KHDRBS2: variants seen among roughly 807,000 people sequenced by gnomAD.
KHDRBS2 encodes KH domain-containing, RNA-binding, signal transduction-associated protein 2.
KHDRBS2 carries 26 observed loss-of-function variants against 44.3 expected under a neutral mutation model. That is an observed-to-expected ratio of 0.59 (90% CI 0.43 to 0.81). The LOEUF is 0.81. Among genes scored for constraint, KHDRBS2 ranks in the 40% least tolerant of loss-of-function variants. The probability of loss-of-function intolerance (pLI) is 0.00; values close to 1 mark genes in which losing one functional copy is unlikely to be tolerated. For synonymous variants in KHDRBS2, 194 were observed against 151.1 expected (o/e 1.28, Z -2.08); for missense variants, 476 against 433.1 (o/e 1.10, Z -0.88).
chr6:61,732,567 T>A, intron 7 of KHDRBS2, 115 bp downstream of exon 7: 1 of 690,184 alleles, frequency 1.4e-6, no homozygotes, highest in East Asian at 2.5e-5. Context: ...AGAAAGATAA[T>A]GGAGAAAAAA....
intron 6 of KHDRBS2, among the ~76,000 whole-genome samples, chr6:61,859,815 C>T (rs972166192): frequency 3.3e-5 from 5 of 151,742 alleles, no homozygotes; most frequent in African/African-American, 9.7e-5. Flanking sequence ...AAACATGAGG[C>T]AATAAAATTT....
chr6:61,994,597 A>C (rs942050753), intron 3 of KHDRBS2, among the ~76,000 whole-genome samples: 2 of 152,164 alleles, frequency 1.3e-5, no homozygotes, highest in African/African-American at 4.8e-5. Flanking sequence ...CTGACCTGAG[A>C]GAGCTCATTG....
chr6:61,869,897 A>G (rs1464867896), intron 6 of KHDRBS2, among the ~76,000 whole-genome samples: 1 of 151,376 alleles, frequency 6.6e-6, no homozygotes. Flanking sequence ...CTATGCCACC[A>G]GGGCCTTGGG....
At chr6:62,148,660 T>C (rs951372728) in intron 2 of KHDRBS2, among the ~76,000 whole-genome samples, 1 of 151,932 alleles carries the variant, frequency 6.6e-6, no homozygotes, top group African/African-American at 2.4e-5. Flanking sequence ...TCTCTCACCA[T>C]TTGCTCACGA....
intron 4 of KHDRBS2, among the ~76,000 whole-genome samples, chr6:61,901,681 T>C (rs571869435): frequency 1.3e-5 from 2 of 152,266 alleles, no homozygotes; most frequent in South Asian, 4.1e-4. Flanking sequence ...AAATGAGAAC[T>C]TGGAATGTGC....
At chr6:62,016,152 G>A (rs1172845871) in intron 3 of KHDRBS2, among the ~76,000 whole-genome samples, 3 of 151,978 alleles carry the variant, frequency 2.0e-5, no homozygotes, top group African/African-American at 7.2e-5. Context: ...TTAGTTTCTA[G>A]TGGTTCTATA....
At chr6:61,647,663 G>A in the KHDRBS2 span, among the ~76,000 whole-genome samples, 1 of 152,096 alleles carries the variant, frequency 6.6e-6, no homozygotes, top group South Asian at 2.1e-4. Context: ...TTTAATGTAT[G>A]ACATGTATTG....
chr6:61,836,678 T>G (rs990493255), intron 6 of KHDRBS2, among the ~76,000 whole-genome samples: 6 of 151,986 alleles, frequency 3.9e-5, no homozygotes, highest in African/African-American at 1.2e-4. Context: ...CTTCAATTAT[T>G]TAGTAAGGAT....
At chr6:61,806,520 G>C (rs970075282) in intron 6 of KHDRBS2, among the ~76,000 whole-genome samples, 46 of 152,066 alleles carry the variant, frequency 3.0e-4, no homozygotes, top group Non-Finnish European at 5.9e-5. Context: ...AAATGCAAAT[G>C]GATGATTTGA....
chr6:61,766,201 C>T (rs1779987877), intron 6 of KHDRBS2, among the ~76,000 whole-genome samples: 1 of 151,704 alleles, frequency 6.6e-6, no homozygotes, highest in Non-Finnish European at 1.5e-5. Context: ...ATGATTCAAT[C>T]TCGGTAGGTT....
intron 3 of KHDRBS2, among the ~76,000 whole-genome samples, chr6:62,037,576 A>G (rs991687118): frequency 5.3e-5 from 8 of 152,032 alleles, no homozygotes; most frequent in African/African-American, 1.9e-4. Flanking sequence ...TAAGCCCACT[A>G]TTGAGGAACA....
chr6:62,198,422 G>A (rs1585163359), intron 1 of KHDRBS2, among the ~76,000 whole-genome samples: 2 of 152,250 alleles, frequency 1.3e-5, no homozygotes, highest in Admixed American at 6.5e-5. Flanking sequence ...CGATGCCACA[G>A]AAATGCAAAC....
At chr6:61,835,708 T>TGG (rs1357074355) in intron 6 of KHDRBS2, among the ~76,000 whole-genome samples, 1 of 111,526 alleles carries the variant, frequency 9.0e-6, no homozygotes, top group South Asian at 3.4e-4. Flanking sequence ...TGTTGATGTG[T>TGG]GCGTGTGTGT....
chr6:62,106,392 C>A (rs1803322767), intron 2 of KHDRBS2, among the ~76,000 whole-genome samples: 1 of 151,972 alleles, frequency 6.6e-6, no homozygotes, highest in African/African-American at 2.4e-5. Flanking sequence ...TAAAGTCTCC[C>A]ATTATTATTG....
At chr6:61,645,356 A>T in the KHDRBS2 span, among the ~76,000 whole-genome samples, 1 of 151,926 alleles carries the variant, frequency 6.6e-6, no homozygotes, top group South Asian at 2.1e-4. Flanking sequence ...AAAACTAACT[A>T]TTGGGTACTA....
chr6:62,105,634 C>A (rs1461416833), intron 2 of KHDRBS2, among the ~76,000 whole-genome samples: 2 of 152,116 alleles, frequency 1.3e-5, no homozygotes, highest in African/African-American at 4.8e-5. Flanking sequence ...TCCCCTTTAT[C>A]ATTTTTTATT....
chr6:61,805,825 C>G (rs146769375), intron 6 of KHDRBS2, among the ~76,000 whole-genome samples: 1 of 152,124 alleles, frequency 6.6e-6, no homozygotes, highest in South Asian at 2.1e-4. Context: ...GCCCAAAATG[C>G]GGGGATTACA....
At chr6:61,628,376 C>G in the KHDRBS2 span, among the ~76,000 whole-genome samples, 1 of 151,882 alleles carries the variant, frequency 6.6e-6, no homozygotes, top group African/African-American at 2.4e-5. Flanking sequence ...TAGCTAGTAC[C>G]CACTGCAACA....
chr6:61,982,650 G>A (rs1161415464), intron 3 of KHDRBS2, among the ~76,000 whole-genome samples: 1 of 144,768 alleles, frequency 6.9e-6, no homozygotes, highest in African/African-American at 2.6e-5. Context: ...CAGCCTGGGC[G>A]ACAGAGCCAA....
Sources: allele counts gnomAD v4.1 joint callset (sites outside exome capture counted in the v4.1 genomes callset), GRCh38; gene constraint gnomAD v4.1.1; transcripts MANE v1.5; gene names NCBI Gene and HGNC (gene_info 2026-07-23, HGNC 2026-07-21).